SRGAP3: variants seen among roughly 807,000 people sequenced by gnomAD.
SRGAP3 encodes the protein SLIT-ROBO Rho GTPase activating protein 3.
In SRGAP3, 39 loss-of-function variants were observed where a neutral mutation model predicts 121.1. The observed-to-expected ratio is 0.32, with a 90% CI of 0.25 to 0.42. The LOEUF (loss-of-function observed/expected upper bound fraction) is 0.42, where lower values mean the gene tolerates loss of function less well. SRGAP3 is among the 10% of genes least tolerant of loss of function. SRGAP3 has a pLI of 1.00. For synonymous variants in SRGAP3, 601 were observed against 570.0 expected (o/e 1.05, Z -0.77); for missense variants, 1,213 against 1,470.6 (o/e 0.82, Z 2.86).
intron 1 of SRGAP3, among the ~76,000 whole-genome samples, chr3:9,168,176 C>T (rs1433408430): frequency 6.6e-6 from 1 of 152,230 alleles, no homozygotes; most frequent in African/African-American, 2.4e-5. Context: ...GAAGTGAGGT[C>T]TAAAATGCAG....
intron 1 of SRGAP3, among the ~76,000 whole-genome samples, chr3:9,340,276 A>C (rs1955762861): frequency 6.6e-6 from 1 of 152,114 alleles, no homozygotes; most frequent in South Asian, 2.1e-4. Flanking sequence ...TATTCCTCCA[A>C]AGAGCTCATG....
intron 3 of SRGAP3, among the ~76,000 whole-genome samples, chr3:9,312,841 A>T (rs982081974): frequency 1.3e-5 from 2 of 152,010 alleles, no homozygotes; most frequent in African/African-American, 4.8e-5. Context: ...AAATTTAAAA[A>T]ATTAGCCAGG....
intron 1 of SRGAP3, among the ~76,000 whole-genome samples, chr3:9,345,611 C>T (rs1405431007): frequency 6.6e-6 from 1 of 151,588 alleles, no homozygotes; most frequent in Non-Finnish European, 1.5e-5. Flanking sequence ...TGGTGAAACC[C>T]CGTCTCTACT....
exon 1 of SRGAP3, chr3:9,362,864 T>C (rs192335704): frequency 2.0e-5 from 3 of 152,270 alleles, no homozygotes; most frequent in Non-Finnish European, 2.9e-5. Context: ...GGGGAAGCAC[T>C]CTCTAAACGT....
intron 1 of SRGAP3, among the ~76,000 whole-genome samples, chr3:9,354,837 CTTTAG>C (rs2030407441): frequency 1.3e-5 from 2 of 152,200 alleles, no homozygotes; most frequent in South Asian, 4.2e-4. Context: ...CTTGTTTACT[CTTTAG>C]TTTAATATAA....
chr3:9,106,493 A>G (rs1948422259), intron 2 of SRGAP3, among the ~76,000 whole-genome samples: 1 of 152,180 alleles, frequency 6.6e-6, no homozygotes, highest in Non-Finnish European at 1.5e-5. Context: ...TTTTTGAGGA[A>G]GGCAATTGAT....
intron 1 of SRGAP3, among the ~76,000 whole-genome samples, chr3:9,333,721 C>A (rs1955645922): frequency 6.6e-6 from 1 of 152,090 alleles, no homozygotes; most frequent in Admixed American, 6.6e-5. Context: ...AGCATCTGAT[C>A]TGCGATAAAA....
At chr3:9,210,027 T>C (rs891514912) in intron 1 of SRGAP3, among the ~76,000 whole-genome samples, 1 of 150,868 alleles carries the variant, frequency 6.6e-6, no homozygotes, top group Admixed American at 6.6e-5. Context: ...ATTATGCTTA[T>C]TAAAAGAAGC....
Position 9,170,197 on chromosome 3 carries a change from A to G in SRGAP3, c.68-45280T>C, listed in dbSNP as rs111746606. Among the ~76,000 whole-genome samples, 961 of 152,290 alleles carry G rather than the reference A, an allele frequency of 6.3e-3. 9 individuals are homozygous for G. Among genetic ancestry groups the G allele is most frequent in the African/African-American group, 0.022 (898 of 41,548 alleles). ...AATGTCCGTAGAAGAAACCGCCCCC[A>G]GTCTCACACCTCTCAAATCTACAAA... On this transcript the variant is annotated intron_variant, in intron 1 of 21. Transcript: ENST00000383836.
intron 13 of SRGAP3, 109 bp downstream of exon 13, chr3:9,026,826 A>G: frequency 8.2e-7 from 1 of 1,216,724 alleles, no homozygotes; most frequent in South Asian, 1.2e-5. Flanking sequence ...TCCAAAGCAG[A>G]GCTGTGACGG....
At chr3:9,224,761 T>A (rs370877777) in intron 1 of SRGAP3, among the ~76,000 whole-genome samples, 4 of 152,096 alleles carry the variant, frequency 2.6e-5, no homozygotes, top group East Asian at 3.9e-4. Context: ...TAGAAATAAC[T>A]CAGAACAGCA....
chr3:9,335,418 C>A (rs895430198), intron 1 of SRGAP3, among the ~76,000 whole-genome samples: 1 of 152,194 alleles, frequency 6.6e-6, no homozygotes, highest in Non-Finnish European at 1.5e-5. Context: ...CAAAACATAT[C>A]TATGGACTAG....
intron 1 of SRGAP3, among the ~76,000 whole-genome samples, chr3:9,196,233 A>G (rs986919927): frequency 6.6e-6 from 1 of 152,230 alleles, no homozygotes; most frequent in African/African-American, 2.4e-5. Flanking sequence ...GAGACAAGCC[A>G]TGAGCCCTGG....
At chr3:9,006,314 C>T (rs1036240716) in intron 18 of SRGAP3, among the ~76,000 whole-genome samples, 20 of 151,134 alleles carry the variant, frequency 1.3e-4, no homozygotes, top group Admixed American at 4.6e-4. Flanking sequence ...GCAGGAGAAT[C>T]GCTTGAACCA....
At chr3:9,136,063 C>T (rs1949635422) in intron 1 of SRGAP3, among the ~76,000 whole-genome samples, 1 of 152,250 alleles carries the variant, frequency 6.6e-6, no homozygotes, top group Non-Finnish European at 1.5e-5. Flanking sequence ...CGCCATCTCG[C>T]GCCCCGCGTC....
intron 1 of SRGAP3, among the ~76,000 whole-genome samples, chr3:9,147,338 T>C (rs769458871): frequency 6.6e-6 from 1 of 152,158 alleles, no homozygotes; most frequent in Non-Finnish European, 1.5e-5. Context: ...GCTCAAGGGT[T>C]GATCATACTC....
At chr3:9,254,704 G>C (rs1242100361) in intron 3 of SRGAP3, among the ~76,000 whole-genome samples, 1 of 152,110 alleles carries the variant, frequency 6.6e-6, no homozygotes, top group Non-Finnish European at 1.5e-5. Flanking sequence ...GTTGAGGTGG[G>C]AGAATCACTT....
At chr3:9,156,061 C>T (rs561273132) in intron 1 of SRGAP3, among the ~76,000 whole-genome samples, 19 of 152,354 alleles carry the variant, frequency 1.2e-4, no homozygotes, top group Middle Eastern at 6.8e-3. Context: ...GTGATCCACC[C>T]GCCTCGGCCT....
chr3:9,171,053 T>C lies in SRGAP3; in HGVS notation c.68-46136A>G, dbSNP rs113979211. 8.5e-5 allele frequency among the ~76,000 whole-genome samples: 13 copies of C among 152,344 alleles called. 2 individuals are homozygous for C. The highest frequency in any genetic ancestry group is 3.1e-4 in the African/African-American group (13 of 41,574). On this transcript the variant is annotated intron_variant, in intron 1 of 21. Coordinates refer to ENST00000383836, the MANE Select transcript of SRGAP3 (RefSeq NM_014850.4). ...TCCGCCAGCTGTGCCCTGCTATAGATGGCCTGACCCTTCAGGGCCTGGGCC... is the reference window on the plus strand; with the variant it reads ...TCCGCCAGCTGTGCCCTGCTATAGACGGCCTGACCCTTCAGGGCCTGGGCC...
Sources: gnomAD v4.1 joint callset for allele counts (sites outside exome capture counted in the v4.1 genomes callset) on GRCh38, gnomAD v4.1.1 for gene constraint, MANE v1.5 for transcripts, NCBI Gene and HGNC (gene_info 2026-07-23, HGNC 2026-07-21) for gene names.